Variants in TRPM3 observed in about 807,000 individuals in gnomAD.
The protein encoded by TRPM3 is long transient receptor potential channel 3.
In TRPM3, 77 loss-of-function variants were observed where a neutral mutation model predicts 181.2. The observed-to-expected ratio is 0.42, with a 90% CI of 0.35 to 0.51. The LOEUF (loss-of-function observed/expected upper bound fraction) is 0.51, where lower values mean the gene tolerates loss of function less well. Ranked by LOEUF, TRPM3 falls within the 20% of genes least tolerant of loss-of-function variation. The pLI is 0.01. For missense variants in TRPM3, 1,759 were observed against 2,196.7 expected, an observed-to-expected ratio of 0.80 and a Z score of 3.98; for synonymous variants, 745 against 796.4, an observed-to-expected ratio of 0.94 and a Z score of 1.09.
chr9:70,681,721 T>C (rs2065489306), intron 8 of TRPM3, 143 bp from the exon 9 acceptor site: 1 of 704,556 alleles, frequency 1.4e-6, no homozygotes, highest in Non-Finnish European at 2.5e-6. Flanking sequence ...ATAACAAGAA[T>C]CCGATGAGAG....
intron 6 of TRPM3, among the ~76,000 whole-genome samples, chr9:70,787,763 CTTTTTTTTT>C: frequency 2.9e-5 from 2 of 68,556 alleles, no homozygotes; most frequent in Admixed American, 1.8e-4. Flanking sequence ...TTTTTGGATT[CTTTTTTTTT>C]TTTTTTTTTT....
intron 1 of TRPM3, among the ~76,000 whole-genome samples, chr9:71,302,361 TA>T (rs1416620509): frequency 9.2e-5 from 14 of 152,214 alleles, no homozygotes; most frequent in Non-Finnish European, 2.1e-4. Flanking sequence ...TAAGAAGGAC[TA>T]CCTAATTGAT....
intron 1 of TRPM3, among the ~76,000 whole-genome samples, chr9:70,973,053 T>G (rs1037132562): frequency 3.3e-5 from 5 of 152,176 alleles, no homozygotes; most frequent in African/African-American, 4.8e-5. Context: ...AATATAAAGA[T>G]GAAACAGGTG....
chr9:71,294,937 A>T (rs547961604), intron 1 of TRPM3, among the ~76,000 whole-genome samples: 2 of 152,310 alleles, frequency 1.3e-5, no homozygotes, highest in South Asian at 4.1e-4. Context: ...TACATTATTT[A>T]GGGACATAAA....
At chr9:71,142,382 GA>G (rs2075157502) in intron 1 of TRPM3, among the ~76,000 whole-genome samples, 1 of 152,080 alleles carries the variant, frequency 6.6e-6, no homozygotes, top group Non-Finnish European at 1.5e-5. Context: ...AGTTATCTCA[GA>G]AAACACAGAA....
intron 1 of TRPM3, among the ~76,000 whole-genome samples, chr9:71,202,212 G>A (rs546456521): frequency 1.3e-5 from 2 of 152,112 alleles, no homozygotes; most frequent in Non-Finnish European, 2.9e-5. Flanking sequence ...AGGAGTACCC[G>A]GCCATGTGAC....
At chr9:71,117,836 G>C (rs2072761164) in intron 1 of TRPM3, among the ~76,000 whole-genome samples, 1 of 152,124 alleles carries the variant, frequency 6.6e-6, no homozygotes, top group Admixed American at 6.5e-5. Flanking sequence ...CACAAATACA[G>C]TGTCCCCTTC....
Position 70,976,598 on chromosome 9 carries a change from CTT to C in TRPM3, c.178-112089_178-112088del, listed in dbSNP as rs199580412. 6.0e-4 allele frequency among the ~76,000 whole-genome samples: 92 copies of C among 152,298 alleles called. 1 individual carries two copies. In the East Asian group the frequency reaches 0.015, roughly 25 times the overall value. ...AAGAACGTATTCTAAGTGTTTATGT[CTT>C]TAAAATGGCAGTATGATGCAGTGGT... On this transcript the variant is annotated intron_variant, in intron 1 of 25. Coordinates refer to ENST00000677713, the MANE Select transcript of TRPM3 (RefSeq NM_001366145.2).
chr9:71,063,345 T>C (rs1057026443), intron 1 of TRPM3, among the ~76,000 whole-genome samples: 4 of 152,152 alleles, frequency 2.6e-5, no homozygotes, highest in Non-Finnish European at 4.4e-5. Flanking sequence ...AAATATTTAT[T>C]GGGTACCTAA....
At chr9:70,864,880 T>C (rs1019919618) in intron 1 of TRPM3, among the ~76,000 whole-genome samples, 6 of 151,996 alleles carry the variant, frequency 3.9e-5, no homozygotes, top group African/African-American at 9.7e-5. Context: ...AAGTATTCAG[T>C]AGTGGGAAGA....
intron 1 of TRPM3, among the ~76,000 whole-genome samples, chr9:71,416,074 A>G (rs1475599717): frequency 1.3e-5 from 2 of 151,450 alleles, no homozygotes; most frequent in Non-Finnish European, 2.9e-5. Context: ...TTCTCAATAA[A>G]TGAATATTTA....
chr9:71,300,513 T>C (rs1428242535), intron 1 of TRPM3, among the ~76,000 whole-genome samples: 2 of 146,118 alleles, frequency 1.4e-5, no homozygotes, highest in East Asian at 2.3e-4. Context: ...GACATTAAAC[T>C]TTTTTTTTTA....
chr9:71,412,682 C>T (rs530578604), intron 1 of TRPM3, among the ~76,000 whole-genome samples: 1 of 152,266 alleles, frequency 6.6e-6, no homozygotes, highest in Non-Finnish European at 1.5e-5. Context: ...CTGGGGAAGA[C>T]AGTGTGGTGA....
At chr9:70,875,524 G>A (rs563856932) in intron 1 of TRPM3, among the ~76,000 whole-genome samples, 1 of 151,898 alleles carries the variant, frequency 6.6e-6, no homozygotes, top group African/African-American at 2.4e-5. Context: ...GAATGCCCTG[G>A]TTGAACAATT....
intron 7 of TRPM3, among the ~76,000 whole-genome samples, chr9:70,782,584 A>G (rs11142590): frequency 0.22 from 33,737 of 152,068 alleles, 4,529 homozygotes; most frequent in Non-Finnish European, 0.3. Context: ...AACATAGAGA[A>G]GTTTGGGTAC....
intron 1 of TRPM3, among the ~76,000 whole-genome samples, chr9:70,885,483 A>T (rs910647036): frequency 5.9e-5 from 9 of 152,124 alleles, no homozygotes; most frequent in African/African-American, 2.2e-4. Flanking sequence ...ATAGCATCCA[A>T]ATACCTATGT....
intron 1 of TRPM3, among the ~76,000 whole-genome samples, chr9:71,025,784 C>T (rs934395802): frequency 2.0e-5 from 3 of 152,150 alleles, no homozygotes; most frequent in African/African-American, 7.2e-5. Context: ...AGATGTCCAA[C>T]TAAACACAGC....
At chr9:71,267,287 G>A (rs370301161) in intron 1 of TRPM3, among the ~76,000 whole-genome samples, 14 of 152,206 alleles carry the variant, frequency 9.2e-5, no homozygotes, top group African/African-American at 3.4e-4. Flanking sequence ...ATTACCTTAT[G>A]ACAATTATCA....
rs1166936123 is a variant in TRPM3, at chr9:71,399,526, G to GTTTTTT, written c.183+47121_183+47126dup. ...CATTTTACTCCTTATATTTTCTTTT[G>GTTTTTT]TTTTTTTTTTTTTTTTTTTTGAGAA... is the stretch of plus-strand genomic sequence containing the variant. On this transcript the variant is annotated intron_variant, in intron 1 of 24. Coordinates refer to the TRPM3 transcript ENST00000357533. Among the ~76,000 whole-genome samples the GTTTTTT allele has an allele frequency of 2.9e-3, 183 of 62,708 alleles. 6 individuals carry two copies. The highest frequency in any genetic ancestry group is 7.1e-3 in the African/African-American group (159 of 22,294). The allele number at this position is 62,708 out of a possible 152,430, so 41.1% of individuals were successfully genotyped here. A position where few individuals can be genotyped will look rare whatever the true frequency, so the allele number is the denominator to read the frequency against.
Sources: allele counts gnomAD v4.1 joint callset (sites outside exome capture counted in the v4.1 genomes callset), GRCh38; gene constraint gnomAD v4.1.1; transcripts MANE v1.5; gene names NCBI Gene and HGNC (gene_info 2026-07-23, HGNC 2026-07-21).